PLEKHM2: variants seen among roughly 807,000 people sequenced by gnomAD.
The protein encoded by PLEKHM2 is pleckstrin homology domain-containing family M member 2.
Under a neutral mutation model 116.3 loss-of-function variants are expected in PLEKHM2, and 77 were observed. The ratio of observed to expected loss-of-function variants is 0.66; its 90% CI spans 0.55 to 0.80. PLEKHM2 has a LOEUF of 0.80. Ranked by LOEUF, PLEKHM2 falls within the 30% of genes least tolerant of loss-of-function variation. PLEKHM2 has a pLI of 0.00. For missense variants in PLEKHM2, 1,183 were observed against 1,354.9 expected (o/e 0.87, Z 1.99); for synonymous variants, 562 against 571.0 (o/e 0.98, Z 0.22).
At chr1:15,706,568 G>T (rs568776336) in intron 1 of PLEKHM2, among the ~76,000 whole-genome samples, 1 of 152,058 alleles carries the variant, frequency 6.6e-6, no homozygotes. Flanking sequence ...ACCATGCCTG[G>T]CTAATTTTTT....
intron 15 of PLEKHM2, 123 bp from the exon 16 acceptor site, chr1:15,731,069 G>C (rs2068135779): frequency 1.4e-6 from 1 of 732,252 alleles, no homozygotes; most frequent in Non-Finnish European, 2.4e-6. Context: ...GACAGCCCCT[G>C]GTGTCCTTTG....
At position 15,733,987 on chromosome 1, in the gene PLEKHM2, G is replaced by A. The variant is rs1392790191; in HGVS notation, c.*53G>A. 5.6e-5 allele frequency: 88 copies of A among 1,566,224 alleles called. 1 individual carries two copies. In the South Asian group the frequency reaches 9.5e-4, roughly 17 times the overall value. The stretch of plus-strand genomic sequence containing the variant: ...GCAGGAAAGGAAGGCACGCCAGCCG[G>A]CAGGCACACTGTCACGGCTGTTGTC... On this transcript the variant is annotated 3_prime_UTR_variant, in exon 20 of 20. Coordinates refer to ENST00000375799, the MANE Select transcript of PLEKHM2 (RefSeq NM_015164.4).
intron 7 of PLEKHM2, among the ~76,000 whole-genome samples, chr1:15,723,930 C>T (rs1029623759): frequency 5.3e-5 from 8 of 152,238 alleles, no homozygotes; most frequent in South Asian, 4.1e-4. Flanking sequence ...AAATAGAGCA[C>T]GACCAGCCAT....
At chr1:15,694,287 C>T (rs7540289) in intron 1 of PLEKHM2, among the ~76,000 whole-genome samples, 55,901 of 151,544 alleles carry the variant, frequency 0.37, 13,407 homozygotes, top group African/African-American at 0.68. Context: ...AGGTGGAGGT[C>T]GCAGTGAGCC....
At chr1:15,681,897 C>T (rs377393424), upstream of PLEKHM2, among the ~76,000 whole-genome samples, 1 of 152,158 alleles carries the variant, frequency 6.6e-6, no homozygotes, top group African/African-American at 2.4e-5. Flanking sequence ...CTTTCCTGAA[C>T]TCAGTACAAA....
chr1:15,712,711 G>C (rs1395530458), intron 1 of PLEKHM2, among the ~76,000 whole-genome samples: 4 of 142,332 alleles, frequency 2.8e-5, no homozygotes, highest in African/African-American at 8.0e-5. Context: ...TGCCATTACA[G>C]CTCACTGCAA....
At chr1:15,702,633 G>C (rs1395425146) in intron 1 of PLEKHM2, among the ~76,000 whole-genome samples, 1 of 150,116 alleles carries the variant, frequency 6.7e-6, no homozygotes, top group East Asian at 2.0e-4. Flanking sequence ...GGTTAGGCTG[G>C]TCTCGAACTC....
chr1:15,713,964 C>CA (rs1641390379), intron 1 of PLEKHM2, among the ~76,000 whole-genome samples: 1 of 106,386 alleles, frequency 9.4e-6, no homozygotes, highest in South Asian at 3.0e-4. Context: ...TTTTTGGAGA[C>CA]AGAGTCTCAC....
chr1:15,684,978 T>A (rs923624589), intron 1 of PLEKHM2, among the ~76,000 whole-genome samples: 2 of 151,800 alleles, frequency 1.3e-5, no homozygotes, highest in Non-Finnish European at 2.9e-5. Flanking sequence ...ATCCGCTGCA[T>A]CCCCGGGTCC....
At chr1:15,732,140 C>A in intron 17 of PLEKHM2, 92 bp downstream of exon 17, 1 of 1,289,106 alleles carries the variant, frequency 7.8e-7, no homozygotes, top group Non-Finnish European at 1.1e-6. Flanking sequence ...CACAGAGCAA[C>A]CTGAGGGCCA....
chr1:15,711,739 CA>C (rs1011112674), intron 1 of PLEKHM2, among the ~76,000 whole-genome samples: 8 of 151,704 alleles, frequency 5.3e-5, no homozygotes, highest in Non-Finnish European at 8.8e-5. Context: ...CTCAATAGGG[CA>C]AAAAAATGAC....
chr1:15,690,576 C>T (rs1047148765), intron 1 of PLEKHM2, among the ~76,000 whole-genome samples: 4 of 152,184 alleles, frequency 2.6e-5, no homozygotes, highest in African/African-American at 4.8e-5. Context: ...AGTTCGCATA[C>T]GACGCATGTG....
chr1:15,724,664 TCTCTA>T (rs1347401599), intron 7 of PLEKHM2, among the ~76,000 whole-genome samples: 1 of 152,078 alleles, frequency 6.6e-6, no homozygotes, highest in Non-Finnish European at 1.5e-5. Context: ...TGTCATCTTG[TCTCTA>T]CTCTGTGCTC....
Position 15,728,059 on chromosome 1 carries a change from T to C in PLEKHM2, c.1761-20T>C. Reference sequence around the variant, plus strand: ...CCGCTGCCTGCCTGACATCTCGCCCTCCTGACTTGGCCCTCACAGAGTAGA... The same window carrying C: ...CCGCTGCCTGCCTGACATCTCGCCCCCCTGACTTGGCCCTCACAGAGTAGA... On this transcript the variant is annotated intron_variant, in intron 9 of 19. Transcript: ENST00000375799. The surrounding 1 kb of genome is among the most constrained non-coding windows in gnomAD (Gnocchi z 5.9). 1 of 1,600,312 alleles carries C rather than the reference T, an allele frequency of 6.2e-7. No individual in the cohort carries two copies. Among genetic ancestry groups the C allele is most frequent in the Non-Finnish European group, 8.5e-7 (1 of 1,171,254 alleles).
In PLEKHM2 at chr1:15,684,401, G is replaced by A. The variant is rs1165075526; in HGVS notation, c.-158G>A. On this transcript the variant is annotated 5_prime_UTR_variant, in exon 1 of 20. Coordinates refer to ENST00000375799, the MANE Select transcript of PLEKHM2 (RefSeq NM_015164.4). ...TGGAGCGAGGGCCCAGGCGAGGCGA[G>A]GGCCGGGCGGCGGGCGCCGGGCCCC... The A allele has an allele frequency of 4.7e-6, 1 of 213,004 alleles. No individual in the cohort carries two copies. Among genetic ancestry groups the A allele is most frequent in the Non-Finnish European group, 7.9e-6 (1 of 127,000 alleles). The allele number at this position is 213,004 out of a possible 1,614,324, so 13.2% of individuals were successfully genotyped here.
rs1295427920 is a variant in PLEKHM2 at position 15,733,892 on chromosome 1, C to T, written c.3018C>T (p.Asp1006=). The T allele has an allele frequency of 1.2e-6, 2 of 1,612,906 alleles. No individual in the cohort carries two copies. The highest frequency in any genetic ancestry group is 8.5e-7 in the Non-Finnish European group (1 of 1,179,828). The stretch of plus-strand genomic sequence containing the variant: ...TCCACAGCGCCTGGCAGCGGAGCGA[C>T]AGTCTCTGCCGCGGCCGAGCCTCCC... The part of the protein sequence containing the change: ...SLIHSAWQRS[D]SLCRGRASRD... Residue 1006 remains aspartate (D), a synonymous_variant, in exon 20 of 20, where the codon GAC becomes GAT. Coordinates refer to ENST00000375799, the MANE Select transcript of PLEKHM2 (RefSeq NM_015164.4).
chr1:15,688,566 A>G (rs1424792365), intron 1 of PLEKHM2, among the ~76,000 whole-genome samples: 1 of 150,776 alleles, frequency 6.6e-6, no homozygotes, highest in African/African-American at 2.4e-5. Flanking sequence ...GCAGGGAAGC[A>G]CTTGACCTGG....
At chr1:15,702,306 C>G (rs1412280923) in intron 1 of PLEKHM2, among the ~76,000 whole-genome samples, 1 of 152,188 alleles carries the variant, frequency 6.6e-6, no homozygotes, top group Non-Finnish European at 1.5e-5. Context: ...GCAGTGCAGT[C>G]TGGCTCGGAG....
chr1:15,707,871 G>A (rs1238515181), intron 1 of PLEKHM2, among the ~76,000 whole-genome samples: 1 of 152,182 alleles, frequency 6.6e-6, no homozygotes, highest in Non-Finnish European at 1.5e-5. Flanking sequence ...GTCTACCATG[G>A]GGTTTTAGTT....
Sources: gnomAD v4.1 joint callset for allele counts (sites outside exome capture counted in the v4.1 genomes callset) on GRCh38, gnomAD v4.1.1 for gene constraint, Gnocchi (gnomAD v3.1) non-coding constraint, MANE v1.5 for transcripts, NCBI Gene and HGNC (gene_info 2026-07-23, HGNC 2026-07-21) for gene names.